ZZZ3: variants seen among roughly 807,000 people sequenced by gnomAD.
The protein encoded by ZZZ3 is zinc finger ZZ-type containing 3.
A neutral mutation model predicts 95.2 loss-of-function variants in ZZZ3; 22 were observed. That is an observed-to-expected ratio of 0.23 (90% confidence interval 0.17 to 0.33). ZZZ3 has a LOEUF of 0.33. Ranked by LOEUF, ZZZ3 falls within the 10% of genes least tolerant of loss-of-function variation. The probability of loss-of-function intolerance (pLI) is 1.00; values close to 1 mark genes in which losing one functional copy is unlikely to be tolerated. For missense variants in ZZZ3, 885 were observed against 1,066.5 expected, an observed-to-expected ratio of 0.83 and a Z score of 2.37; for synonymous variants, 335 against 358.9, an observed-to-expected ratio of 0.93 and a Z score of 0.75.
rs550311294 is a variant in ZZZ3 at position 77,576,924 on chromosome 1, A to G, written c.2179-704T>C. On this transcript the variant is annotated intron_variant, in intron 11 of 14. Transcript: ENST00000370801. Reference sequence around the variant, plus strand: ...GCCAATGTCATTTAATCCTTACAACATTCCTATAACGTAGTTATCATCACC... The same window carrying G: ...GCCAATGTCATTTAATCCTTACAACGTTCCTATAACGTAGTTATCATCACC... 7.2e-5 allele frequency among the ~76,000 whole-genome samples: 11 copies of G among 152,306 alleles called. No homozygotes were observed. The South Asian group carries it at 1.5e-3, about 20-fold the overall frequency.
intron 1 of ZZZ3, among the ~76,000 whole-genome samples, chr1:77,679,340 C>G (rs548094700): frequency 6.6e-6 from 1 of 152,172 alleles, no homozygotes; most frequent in Non-Finnish European, 1.5e-5. Flanking sequence ...CTCACTCACT[C>G]TGTTGCCCAG....
chr1:77,623,148 A>C (rs1409264888), intron 5 of ZZZ3, among the ~76,000 whole-genome samples: 2 of 152,304 alleles, frequency 1.3e-5, no homozygotes, highest in East Asian at 3.9e-4. Context: ...CAAACAGATG[A>C]AATAAGCCCT....
At chr1:77,675,660 TC>T (rs1672194908) in intron 1 of ZZZ3, among the ~76,000 whole-genome samples, 4 of 152,194 alleles carry the variant, frequency 2.6e-5, no homozygotes, top group Admixed American at 2.6e-4. Flanking sequence ...ATCTGGCTTT[TC>T]TTACTAGCAT....
chr1:77,618,331 T>G (rs893024740), intron 5 of ZZZ3, among the ~76,000 whole-genome samples: 10 of 142,414 alleles, frequency 7.0e-5, no homozygotes, highest in African/African-American at 2.5e-4. Flanking sequence ...GCCAATCTAT[T>G]GGATAGTCAA....
At chr1:77,602,506 C>T (rs892220827) in intron 5 of ZZZ3, among the ~76,000 whole-genome samples, 10 of 151,810 alleles carry the variant, frequency 6.6e-5, no homozygotes, top group African/African-American at 2.4e-4. Context: ...AATCCTAAAT[C>T]ATAATGCCAG....
chr1:77,648,626 G>A (rs1669519395), intron 1 of ZZZ3, among the ~76,000 whole-genome samples: 1 of 152,018 alleles, frequency 6.6e-6, no homozygotes, highest in African/African-American at 2.4e-5. Flanking sequence ...TGAAAGAAAA[G>A]GTCAATCAAT....
chr1:77,603,228 G>A (rs1475195731), intron 5 of ZZZ3, among the ~76,000 whole-genome samples: 2 of 152,076 alleles, frequency 1.3e-5, no homozygotes, highest in Admixed American at 6.6e-5. Flanking sequence ...ACAGGCGCAA[G>A]CCACAATGCC....
rs1660562683 is a variant in ZZZ3, at chr1:77,563,238, G to A, written c.*2402C>T. ...ATACCACTGAATAAGCAATGCTTTA[G>A]CAAGTAGGTCTTTTACAGTCTGTTT... On this transcript the variant is annotated 3_prime_UTR_variant, in exon 15 of 15. Transcript: ENST00000370801. The A allele has an allele frequency of 6.6e-6, 1 of 152,182 alleles. No homozygotes were observed. Among genetic ancestry groups the A allele is most frequent in the Non-Finnish European group, 1.5e-5 (1 of 68,032 alleles). 9.4% of individuals were successfully genotyped at this position (152,182 alleles called of 1,614,324 possible).
intron 1 of ZZZ3, among the ~76,000 whole-genome samples, chr1:77,667,798 C>T (rs569372128): frequency 5.4e-4 from 75 of 139,448 alleles, no homozygotes; most frequent in Middle Eastern, 4.4e-3. Context: ...GAGAGTCTCG[C>T]TCTGTTGCCC....
At chr1:77,677,338 A>AAAAC (rs141079963) in intron 1 of ZZZ3, 2 of 133,852 alleles carry the variant, frequency 1.5e-5, no homozygotes, top group African/African-American at 6.9e-5. Flanking sequence ...ATTCTGTCTC[A>AAAAC]AAACAAACAA....
rs1671270719 is a variant in ZZZ3, at chr1:77,666,592, G to A, written c.-403+15993C>T. Among the ~76,000 whole-genome samples, 4 of 152,134 alleles carry A rather than the reference G, an allele frequency of 2.6e-5. No homozygotes were observed. In the South Asian group the frequency reaches 8.3e-4, roughly 31 times the overall value. On this transcript the variant is annotated intron_variant, in intron 1 of 14. Coordinates refer to ENST00000370801, the MANE Select transcript of ZZZ3 (RefSeq NM_015534.6). The stretch of plus-strand genomic sequence containing the variant: ...ACTAAACGTGTGTGTCCCCATTCAT[G>A]TGTTGAAATCTCGCTCAATAAATAA...
intron 5 of ZZZ3, among the ~76,000 whole-genome samples, chr1:77,618,713 A>C (rs2100773990): frequency 6.6e-6 from 1 of 152,338 alleles, no homozygotes; most frequent in South Asian, 2.1e-4. Context: ...GCTGCAAACA[A>C]GTTCTGATTA....
chr1:77,678,752 C>T (rs1203883141), intron 1 of ZZZ3, among the ~76,000 whole-genome samples: 1 of 152,166 alleles, frequency 6.6e-6, no homozygotes, highest in Non-Finnish European at 1.5e-5. Context: ...GGACTAATTC[C>T]AATTAGTAGT....
At chr1:77,615,738 T>C (rs747342588) in intron 5 of ZZZ3, among the ~76,000 whole-genome samples, 14 of 152,180 alleles carry the variant, frequency 9.2e-5, no homozygotes, top group Admixed American at 1.3e-4. Context: ...GTTCCAAAAG[T>C]TGAGTTCCAA....
At chr1:77,580,212 T>C (rs4949816) in intron 9 of ZZZ3, 102,883 of 152,150 alleles carry the variant, frequency 0.68, 35,682 homozygotes, top group Non-Finnish European at 0.76. Flanking sequence ...AACTGTTAAA[T>C]GTATAGCTGT....
chr1:77,600,528 A>G (rs567914329), intron 5 of ZZZ3, among the ~76,000 whole-genome samples: 5 of 152,296 alleles, frequency 3.3e-5, no homozygotes, highest in Admixed American at 1.3e-4. Context: ...AGAGAGAAGC[A>G]CATAATTTAG....
intron 1 of ZZZ3, among the ~76,000 whole-genome samples, chr1:77,679,851 A>G (rs1335983539): frequency 6.6e-6 from 1 of 152,224 alleles, no homozygotes; most frequent in African/African-American, 2.4e-5. Flanking sequence ...TTTTCTCAGT[A>G]TATTTCTACC....
rs374580077 is a variant in ZZZ3, at chr1:77,632,547, C to G, written c.808G>C (p.Asp270His). 6.2e-7 allele frequency: 1 copy of G among 1,614,072 alleles called. No individual in the cohort carries two copies. Among genetic ancestry groups the G allele is most frequent in the African/African-American group, 1.3e-5 (1 of 74,926 alleles). Residue 270 changes from aspartate (D) to histidine (H), a missense_variant, in exon 5 of 15, where the codon GAT becomes CAT. Around this residue, in one of 5 missense-constraint regions of ZZZ3, gnomAD observed 556 missense variants for 652.9 expected, o/e 0.85. Coordinates refer to ENST00000370801, the MANE Select transcript of ZZZ3 (RefSeq NM_015534.6). ...TCCAACTTGACCTGCACTTGTGAATCTGTGCAAGGCACCTTATGGTCTATA... is the reference window on the plus strand; with the variant it reads ...TCCAACTTGACCTGCACTTGTGAATGTGTGCAAGGCACCTTATGGTCTATA... The part of the protein sequence containing the change: ...SYIDHKVPCT[D>H]SQVQVKLEDH...
At chr1:77,589,929 C>A (rs1663510280) in intron 5 of ZZZ3, among the ~76,000 whole-genome samples, 1 of 152,046 alleles carries the variant, frequency 6.6e-6, no homozygotes, top group South Asian at 2.1e-4. Flanking sequence ...ACTAGATTTC[C>A]ATTTCTACTG....
Sources: gnomAD v4.1 joint callset for allele counts (sites outside exome capture counted in the v4.1 genomes callset) on GRCh38, gnomAD v4.1.1 for gene constraint, gnomAD v4.1.1 regional missense constraint, MANE v1.5 for transcripts, NCBI Gene and HGNC (gene_info 2026-07-23, HGNC 2026-07-21) for gene names.